PCDHGA10: variants seen among roughly 807,000 people sequenced by gnomAD.
PCDHGA10 encodes the protein protocadherin gamma-A10.
A neutral mutation model predicts 59.5 loss-of-function variants in PCDHGA10; 42 were observed. The ratio of observed to expected loss-of-function variants is 0.71; its 90% confidence interval spans 0.55 to 0.91. The LOEUF is 0.91. Ranked by LOEUF, PCDHGA10 falls within the 40% of genes least tolerant of loss-of-function variation. The probability of loss-of-function intolerance (pLI) is 0.00; values close to 1 mark genes in which losing one functional copy is unlikely to be tolerated. For missense variants in PCDHGA10, 1,111 were observed against 1,198.2 expected (o/e 0.93, Z 1.07); for synonymous variants, 511 against 517.2 (o/e 0.99, Z 0.16).
chr5:141,506,207 TTGGGAAGCTGAG>T (rs1487107822), intron 3 of PCDHGA10, among the ~76,000 whole-genome samples: 1 of 152,020 alleles, frequency 6.6e-6, no homozygotes, highest in Non-Finnish European at 1.5e-5. Flanking sequence ...TCCCAGCACT[TTGGGAAGCTGAG>T]GCAGGAGGAT....
chr5:141,489,126 T>G lies in PCDHGA10; in HGVS notation c.2437-5681T>G. 31 of 585,108 alleles carry G rather than the reference T, an allele frequency of 5.3e-5. No homozygotes were observed. Among genetic ancestry groups the G allele is most frequent in the South Asian group, 1.3e-4 (4 of 31,402 alleles). 36.2% of individuals were successfully genotyped at this position (585,108 alleles called of 1,614,324 possible). On this transcript the variant is annotated intron_variant, in intron 1 of 3. Transcript: ENST00000398610. The surrounding 1 kb of genome is among the most constrained non-coding windows in gnomAD (Gnocchi z 4.5). ...TGCAAGCAGGCAAACCTCCGAGCAG[T>G]TTTTAAGAGGCTGGAAGGAGACATA...
chr5:141,428,061 G>A (rs755817800), intron 1 of PCDHGA10: 1 of 1,609,154 alleles, frequency 6.2e-7, no homozygotes, highest in South Asian at 1.1e-5. Flanking sequence ...GGTGGCGGTG[G>A]ACGCAGATTC....
In PCDHGA10 at chr5:141,491,463, C is replaced by CT. The variant is rs765984397; in HGVS notation, c.2437-3343dup. The CT allele has an allele frequency of 6.2e-7, 1 of 1,614,112 alleles. No homozygotes were observed. Among genetic ancestry groups the CT allele is most frequent in the Non-Finnish European group, 8.5e-7 (1 of 1,180,010 alleles). ...GCCAGGACTCACCCTCCCCGGACTT[C>CT]TATAAGCAGTCCAGCCCCAACCTGC... On this transcript the variant is annotated intron_variant, in intron 1 of 3. Coordinates refer to ENST00000398610, the MANE Select transcript of PCDHGA10 (RefSeq NM_018913.3). This position sits in a 1 kb window ranked among gnomAD's most constrained non-coding sequence, Gnocchi z 6.9.
chr5:141,429,573 T>G (rs1026656206), intron 1 of PCDHGA10, among the ~76,000 whole-genome samples: 3 of 152,206 alleles, frequency 2.0e-5, no homozygotes, highest in Non-Finnish European at 4.4e-5. Context: ...TCAGTTACAT[T>G]TACTTTTGAT....
rs200491568 is a variant in PCDHGA10, at chr5:141,493,146, G to A, written c.2437-1661G>A. 9.6e-6 allele frequency among the ~76,000 whole-genome samples: 1 copy of A among 104,172 alleles called. No homozygotes were observed. The highest frequency in any genetic ancestry group is 3.1e-5 in the African/African-American group (1 of 32,680). 68.3% of individuals were successfully genotyped at this position (104,172 alleles called of 152,430 possible). A position where few individuals can be genotyped will look rare whatever the true frequency, so the allele number is the denominator to read the frequency against. On this transcript the variant is annotated intron_variant, in intron 1 of 3. Transcript: ENST00000398610. The surrounding 1 kb of genome is among the most constrained non-coding windows in gnomAD (Gnocchi z 4.3). ...AGGACTGTATTTTGAAACACCCCCA[G>A]GTGATTTTGATAGCTGATTGAGAGA... is the stretch of plus-strand genomic sequence containing the variant.
intron 1 of PCDHGA10, chr5:141,426,778 C>A (rs780981970): frequency 2.2e-6 from 1 of 456,716 alleles, no homozygotes; most frequent in South Asian, 1.5e-5. Context: ...GGGCCTCACT[C>A]TCTCCAGAGT....
chr5:141,414,994 T>G lies in PCDHGA10; in HGVS notation c.1819T>G (p.Trp607Gly), dbSNP rs1390374290. The change falls in exon 1 of 4, where the codon TGG becomes GGG. Residue 607 changes from tryptophan (W) to glycine (G), a missense_variant. By Grantham distance (184) the Trp-to-Gly change is radical. Coordinates refer to ENST00000398610, the MANE Select transcript of PCDHGA10 (RefSeq NM_018913.3). ...AVDRDSGQNA[W>G]LSYRLLKASE... ...GGACAGAGACTCCGGCCAGAACGCC[T>G]GGCTGTCCTACCGTCTGCTCAAGGC... The G allele has an allele frequency of 6.2e-7, 1 of 1,613,744 alleles. No individual in the cohort carries two copies. The highest frequency in any genetic ancestry group is 1.1e-5 in the South Asian group (1 of 91,064).
rs117345436 is a variant in PCDHGA10 at position 141,492,015 on chromosome 5, G to T, written c.2437-2792G>T. 1,356 of 600,608 alleles carry T rather than the reference G, an allele frequency of 2.3e-3. 40 individuals carry two copies. The East Asian group carries it at 0.038, about 17-fold the overall frequency. The allele number at this position is 600,608 out of a possible 1,614,324, so 37.2% of individuals were successfully genotyped here. A position where few individuals can be genotyped will look rare whatever the true frequency, so the allele number is the denominator to read the frequency against. ...ATTTCGGGCGATTTCCGCGGGTGTC[G>T]GGGGTCCCGGGAGGAGGCAGTCACA... On this transcript the variant is annotated intron_variant, in intron 1 of 3. Transcript: ENST00000398610.
chr5:141,454,281 A>C (rs1048947689), intron 1 of PCDHGA10, among the ~76,000 whole-genome samples: 2 of 152,242 alleles, frequency 1.3e-5, no homozygotes, highest in African/African-American at 4.8e-5. Context: ...AAAACTTCAC[A>C]TTAAAGGAAC....
intron 1 of PCDHGA10, chr5:141,419,497 G>T (rs1357823931): frequency 9.9e-6 from 16 of 1,612,390 alleles, no homozygotes; most frequent in Non-Finnish European, 1.4e-5. Context: ...GCGCCAATGT[G>T]AGCCTGCGCG....
rs757410882 is a variant in PCDHGA10 at position 141,421,504 on chromosome 5, C to T, written c.2436+5893C>T. 8 of 1,614,062 alleles carry T rather than the reference C, an allele frequency of 5.0e-6. No homozygotes were observed. The highest frequency in any genetic ancestry group is 3.3e-5 in the South Asian group (3 of 91,088). ...CTTGATCACGGCAGGCAGGATAGACCGGGAGGAGCTCTGTGAGACGGTGTC... is the reference window on the plus strand; with the variant it reads ...CTTGATCACGGCAGGCAGGATAGACTGGGAGGAGCTCTGTGAGACGGTGTC... On this transcript the variant is annotated intron_variant, in intron 1 of 3. Transcript: ENST00000398610.
At chr5:141,417,030 T>G (rs1460954160) in intron 1 of PCDHGA10, 1 of 86,454 alleles carries the variant, frequency 1.2e-5, no homozygotes, top group East Asian at 2.9e-4. Flanking sequence ...AAATACAGGT[T>G]TTTTTTTTAA....
Position 141,415,205 on chromosome 5 carries a change from C to A in PCDHGA10, c.2030C>A (p.Ala677Glu), listed in dbSNP as rs2095843771. 2 of 1,614,040 alleles carry A rather than the reference C, an allele frequency of 1.2e-6. No homozygotes were observed. The highest frequency in any genetic ancestry group is 1.7e-6 in the Non-Finnish European group (2 of 1,180,032). Reference protein sequence around the residue: ...AVADSIPQVLADLGSFESPAN... With the variant: ...AVADSIPQVLEDLGSFESPAN... ...GCCGACAGCATCCCCCAAGTCCTGG[C>A]GGACCTCGGCAGCTTCGAGTCTCCA... The change falls in exon 1 of 4, where the codon GCG (alanine) becomes GAG (glutamate). Residue 677 changes from alanine (A) to glutamate (E), a missense_variant. Ala to Glu is a moderately radical substitution (Grantham distance 107). Coordinates refer to ENST00000398610, the MANE Select transcript of PCDHGA10 (RefSeq NM_018913.3).
intron 1 of PCDHGA10, among the ~76,000 whole-genome samples, chr5:141,492,226 C>T (rs1365682179): frequency 6.6e-6 from 1 of 152,178 alleles, no homozygotes; most frequent in Non-Finnish European, 1.5e-5. Flanking sequence ...CATGCGTGTC[C>T]TCCCTGCTGG....
intron 1 of PCDHGA10, among the ~76,000 whole-genome samples, chr5:141,439,371 TA>T (rs1008614540): frequency 7.2e-5 from 11 of 152,034 alleles, no homozygotes; most frequent in Non-Finnish European, 1.0e-4. Flanking sequence ...CAAGAAGAAA[TA>T]AAAATAAGTC....
intron 1 of PCDHGA10, chr5:141,421,633 G>C (rs1369645749): frequency 1.9e-6 from 3 of 1,613,716 alleles, no homozygotes; most frequent in Non-Finnish European, 2.5e-6. Context: ...CAGCTTCCAG[G>C]AGGACGAAGT....
At chr5:141,503,010 A>AT (rs199924715) in intron 2 of PCDHGA10, among the ~76,000 whole-genome samples, 26,593 of 146,658 alleles carry the variant, frequency 0.18, 2,532 homozygotes, top group Admixed American at 0.29. Context: ...TGCCCGGTTA[A>AT]TTTTTTTTTT....
At chr5:141,457,500 A>G (rs1483244745) in intron 1 of PCDHGA10, among the ~76,000 whole-genome samples, 1 of 152,244 alleles carries the variant, frequency 6.6e-6, no homozygotes, top group African/African-American at 2.4e-5. Context: ...AAATGTAGGC[A>G]AAAAGCTTAA....
At chr5:141,497,223 T>C (rs921763195) in intron 2 of PCDHGA10, among the ~76,000 whole-genome samples, 1 of 151,762 alleles carries the variant, frequency 6.6e-6, no homozygotes, top group Admixed American at 6.6e-5. Context: ...GGGGGGAAGA[T>C]CAGAGAAGGC....
Sources: gnomAD v4.1 joint callset for allele counts (sites outside exome capture counted in the v4.1 genomes callset) on GRCh38, gnomAD v4.1.1 for gene constraint, Gnocchi (gnomAD v3.1) non-coding constraint, MANE v1.5 for transcripts, NCBI Gene and HGNC (gene_info 2026-07-23, HGNC 2026-07-21) for gene names.